Variants in ADPRHL1 observed in about 807,000 individuals in gnomAD.
The protein encoded by ADPRHL1 is inactive ADP-ribosyltransferase ARH2.
ADPRHL1 carries 43 observed loss-of-function variants against 44.1 expected under a neutral mutation model. That is an observed-to-expected ratio of 0.98 (90% CI 0.76 to 1.26). The LOEUF (loss-of-function observed/expected upper bound fraction) is 1.26, where lower values mean the gene tolerates loss of function less well. Ranked by LOEUF, ADPRHL1 falls within the 50% of genes most tolerant of loss-of-function variation. The probability of loss-of-function intolerance (pLI) is 0.00; values close to 1 mark genes in which losing one functional copy is unlikely to be tolerated. For synonymous variants in ADPRHL1, 878 were observed against 1,017.4 expected (o/e 0.86, Z 2.61); for missense variants, 2,022 against 2,496.9 (o/e 0.81, Z 4.05).
In ADPRHL1 at chr13:113,441,200, G is replaced by T. The variant is rs1018982950; in HGVS notation, c.379+3225C>A. Among the ~76,000 whole-genome samples the T allele has an allele frequency of 6.6e-6, 1 of 152,148 alleles. No homozygotes were observed. The highest frequency in any genetic ancestry group is 2.4e-5 in the African/African-American group (1 of 41,432). ...TAAGCAGCACATAGTTGGGGGCTGG[G>T]ACCTGCTTCTTTATCTAATGTGACA... On this transcript the variant is annotated intron_variant, in intron 2 of 7. Coordinates refer to ENST00000612156, the MANE Select transcript of ADPRHL1 (RefSeq NM_001394807.1). The surrounding 1 kb of genome is among the most constrained non-coding windows in gnomAD (Gnocchi z 6.0).
intron 7 of ADPRHL1, among the ~76,000 whole-genome samples, chr13:113,415,419 G>C (rs895985123): frequency 6.6e-6 from 1 of 152,188 alleles, no homozygotes; most frequent in Non-Finnish European, 1.5e-5. Context: ...CTCAGTGGCC[G>C]GCTCCAGGCG....
At chr13:113,413,628 C>T (rs544974426) in intron 7 of ADPRHL1, among the ~76,000 whole-genome samples, 37 of 152,350 alleles carry the variant, frequency 2.4e-4, no homozygotes, top group African/African-American at 8.4e-4. Context: ...CGTCCTCATG[C>T]GCTGGAGCCA....
intron 3 of ADPRHL1, among the ~76,000 whole-genome samples, chr13:113,431,109 C>T (rs1244934610): frequency 2.0e-5 from 3 of 152,136 alleles, no homozygotes; most frequent in East Asian, 3.9e-4. Flanking sequence ...AGGAGAGGGG[C>T]GAGCCTGCTG....
Position 113,404,870 on chromosome 13 carries a change from A to G in ADPRHL1, c.4412T>C (p.Val1471Ala). ...CGGCCCCTCGGGCTCCCCTGGAGGC[A>G]CAGCTGGGTTCCTGGCAGCCCTGGT... is the stretch of plus-strand genomic sequence containing the variant. ...EGTRAARNPA[V>A]PPGEPEGPGS... Residue 1471 changes from valine (V) to alanine (A), a missense_variant, in exon 8 of 8, where the codon GTG becomes GCG. By Grantham distance (64) the Val-to-Ala change is moderately conservative (BLOSUM62 0). Transcript: ENST00000612156. 1 of 1,246,752 alleles carries G rather than the reference A, an allele frequency of 8.0e-7. No individual in the cohort carries two copies. The highest frequency in any genetic ancestry group is 1.0e-6 in the Non-Finnish European group (1 of 997,890). The allele number at this position is 1,246,752 out of a possible 1,614,324, so 77.2% of individuals were successfully genotyped here.
In ADPRHL1 at chr13:113,433,757, G is replaced by C; in HGVS notation, c.490C>G (p.His164Asp). ...EVSVECGRMT[H>D]NHPTGFLGSL... The stretch of plus-strand genomic sequence containing the variant: ...CCACACTTACCTGTGGGATGGTTGT[G>C]GGTCATCCGGCCGCACTCCACGCTG... The change falls in exon 3 of 8, where the codon CAC (histidine) becomes GAC (aspartate). Residue 164 changes from histidine to aspartate, a missense_variant. Transcript: ENST00000612156. The C allele has an allele frequency of 6.3e-7, 1 of 1,595,414 alleles. No individual in the cohort carries two copies. The highest frequency in any genetic ancestry group is 8.5e-7 in the Non-Finnish European group (1 of 1,173,608).
chr13:113,405,723 C>T lies in ADPRHL1; in HGVS notation c.3559G>A (p.Ala1187Thr). Reference protein sequence around the residue: ...PGGSLEPKSGAAGRSLLRGVA... With the variant: ...PGGSLEPKSGTAGRSLLRGVA... ...CCTCTCAGGAGGCTCCTCCCTGCTGCTCCACTCTTGGGCTCCAAGGATCCC... is the reference window on the plus strand; with the variant it reads ...CCTCTCAGGAGGCTCCTCCCTGCTGTTCCACTCTTGGGCTCCAAGGATCCC... The change falls in exon 8 of 8, where the codon GCA becomes ACA. Residue 1187 changes from alanine to threonine, a missense_variant. By Grantham distance (58) the Ala-to-Thr change is moderately conservative (BLOSUM62 0). Coordinates refer to ENST00000612156, the MANE Select transcript of ADPRHL1 (RefSeq NM_001394807.1). 1 of 1,231,898 alleles carries T rather than the reference C, an allele frequency of 8.1e-7. No individual in the cohort carries two copies. Among genetic ancestry groups the T allele is most frequent in the Non-Finnish European group, 1.0e-6 (1 of 988,070 alleles). The allele number at this position is 1,231,898 out of a possible 1,614,324, so 76.3% of individuals were successfully genotyped here.
Position 113,433,726 on chromosome 13 carries a change from C to T in ADPRHL1, c.505+16G>A. ...ACTCCACGCTGACCTCCCTCCCACCCCCCGCCCACACTTACCTGTGGGATG... is the reference window on the plus strand; with the variant it reads ...ACTCCACGCTGACCTCCCTCCCACCTCCCGCCCACACTTACCTGTGGGATG... On this transcript the variant is annotated intron_variant, in intron 3 of 7. Coordinates refer to ENST00000612156, the MANE Select transcript of ADPRHL1 (RefSeq NM_001394807.1). 1 of 1,580,574 alleles carries T rather than the reference C, an allele frequency of 6.3e-7. No individual in the cohort carries two copies.
At chr13:113,448,119 C>T (rs1475965984) in intron 1 of ADPRHL1, among the ~76,000 whole-genome samples, 1 of 152,142 alleles carries the variant, frequency 6.6e-6, no homozygotes, top group Non-Finnish European at 1.5e-5. Context: ...GGGCTTCTCC[C>T]CGGGTCTCTT....
intron 7 of ADPRHL1, among the ~76,000 whole-genome samples, chr13:113,418,179 C>T (rs955966931): frequency 3.9e-5 from 6 of 152,176 alleles, no homozygotes; most frequent in Admixed American, 6.5e-5. Context: ...AATACTCAGA[C>T]CCCCTGAATC....
At position 113,413,335 on chromosome 13, in the gene ADPRHL1, C is replaced by T. The variant is rs181784309; in HGVS notation, c.1062-5115G>A. 2.7e-3 allele frequency among the ~76,000 whole-genome samples: 407 copies of T among 152,304 alleles called. 5 individuals are homozygous for T. Among genetic ancestry groups the T allele is most frequent in the African/African-American group, 9.3e-3 (386 of 41,558 alleles). On this transcript the variant is annotated intron_variant, in intron 7 of 7. Transcript: ENST00000612156. ...GAGCTCCTATTCATCCTTCACAACC[C>T]GGCTCAGATGCCCCCACCTCAGGGA...
intron 7 of ADPRHL1, chr13:113,410,228 G>A: frequency 1.5e-6 from 1 of 676,456 alleles, no homozygotes; most frequent in Non-Finnish European, 1.8e-6. Flanking sequence ...GCCCGGTTCA[G>A]TGAGTTCACG....
chr13:113,446,793 T>TA (rs1306731873), intron 1 of ADPRHL1, among the ~76,000 whole-genome samples: 1 of 151,716 alleles, frequency 6.6e-6, no homozygotes, highest in African/African-American at 2.4e-5. Flanking sequence ...GCTTTGTCTA[T>TA]ATGCACAGTA....
At chr13:113,427,025 T>C (rs975516140) in intron 4 of ADPRHL1, among the ~76,000 whole-genome samples, 13 of 152,216 alleles carry the variant, frequency 8.5e-5, no homozygotes, top group African/African-American at 3.1e-4. Context: ...CATGAAACTC[T>C]GGGTTAAACA....
chr13:113,422,582 C>T (rs140572560), intron 7 of ADPRHL1: 126 of 548,352 alleles, frequency 2.3e-4, no homozygotes, highest in African/African-American at 1.5e-3. Context: ...GGTCCAAGTG[C>T]GGCAAATCTA....
At position 113,405,043 on chromosome 13, in the gene ADPRHL1, C is replaced by T; in HGVS notation, c.4239G>A (p.Glu1413=). 2 of 1,232,676 alleles carry T rather than the reference C, an allele frequency of 1.6e-6. No homozygotes were observed. Among genetic ancestry groups the T allele is most frequent in the Non-Finnish European group, 2.0e-6 (2 of 988,602 alleles). 76.4% of individuals were successfully genotyped at this position (1,232,676 alleles called of 1,614,324 possible). ...GATCCTGTGCCCACCATGTCTGAGGCTCTTTTGCTGGGTTCAGCACAACCT... is the reference window on the plus strand; with the variant it reads ...GATCCTGTGCCCACCATGTCTGAGGTTCTTTTGCTGGGTTCAGCACAACCT... ...GSKVVLNPAK[E]PQTWWAQDLA... is the part of the protein sequence containing the mutation. The change falls in exon 8 of 8, where the codon GAG becomes GAA. Residue 1413 remains glutamate, a synonymous_variant. Transcript: ENST00000612156.
At position 113,407,616 on chromosome 13, in the gene ADPRHL1, C is replaced by CCGAGCA; in HGVS notation, c.1665_1666insTGCTCG (p.Phe555_Glu556insCysSer). 8.1e-7 allele frequency: 1 copy of CCGAGCA among 1,232,136 alleles called. No individual in the cohort carries two copies. 76.3% of individuals were successfully genotyped at this position (1,232,136 alleles called of 1,614,324 possible). A position where few individuals can be genotyped will look rare whatever the true frequency, so the allele number is the denominator to read the frequency against. ...TCGGAGCACAGGCAGCTGTTCTGCTCGAACTTCTCCCGCAGCTTGGACAGC... is the reference window on the plus strand; with the variant it reads ...TCGGAGCACAGGCAGCTGTTCTGCTCCGAGCAGAACTTCTCCCGCAGCTTGGACAGC... On this transcript the variant is annotated inframe_insertion, in exon 8 of 8. Coordinates refer to ENST00000612156, the MANE Select transcript of ADPRHL1 (RefSeq NM_001394807.1).
At position 113,441,867 on chromosome 13, in the gene ADPRHL1, T is replaced by A. The variant is rs975975512; in HGVS notation, c.379+2558A>T. On this transcript the variant is annotated intron_variant, in intron 2 of 7. Coordinates refer to ENST00000612156, the MANE Select transcript of ADPRHL1 (RefSeq NM_001394807.1). This position sits in a 1 kb window ranked among gnomAD's most constrained non-coding sequence, Gnocchi z 6.0. ...CCCGCCGCGTGGGTCCGTGTCACTA[T>A]CACACTCTGTCCCCACCCTGTGTGT... Among the ~76,000 whole-genome samples, 5 of 151,830 alleles carry A rather than the reference T, an allele frequency of 3.3e-5. No homozygotes were observed. Among genetic ancestry groups the A allele is most frequent in the Non-Finnish European group, 7.4e-5 (5 of 67,958 alleles).
chr13:113,444,850 C>T (rs1284665074), intron 1 of ADPRHL1, among the ~76,000 whole-genome samples: 1 of 152,136 alleles, frequency 6.6e-6, no homozygotes, highest in African/African-American at 2.4e-5. Flanking sequence ...GTCTCGATCT[C>T]CTGACCTTGT....
At chr13:113,413,706 G>A (rs932406723) in intron 7 of ADPRHL1, among the ~76,000 whole-genome samples, 3 of 152,206 alleles carry the variant, frequency 2.0e-5, no homozygotes, top group Non-Finnish European at 2.9e-5. Context: ...TCAGAGCTGC[G>A]CTGGCGGAGT....
Sources: gnomAD v4.1 joint callset for allele counts (sites outside exome capture counted in the v4.1 genomes callset) on GRCh38, gnomAD v4.1.1 for gene constraint, Gnocchi (gnomAD v3.1) non-coding constraint, MANE v1.5 for transcripts, NCBI Gene and HGNC (gene_info 2026-07-23, HGNC 2026-07-21) for gene names.